EPCAM: variants seen among roughly 807,000 people sequenced by gnomAD.
EPCAM encodes epithelial cell adhesion molecule, also known as adenocarcinoma-associated antigen.
Under a neutral mutation model 40.0 loss-of-function variants are expected in EPCAM, and 39 were observed. The observed-to-expected ratio is 0.98, with a 90% CI of 0.76 to 1.27. The LOEUF is 1.27. Among genes scored for constraint, EPCAM ranks in the 50% most tolerant of loss-of-function variants. The pLI is 0.00. For synonymous variants in EPCAM, 168 were observed against 132.3 expected (o/e 1.27, Z -1.85); for missense variants, 503 against 381.2 (o/e 1.32, Z -2.66).
At chr2:47,380,116 G>A (rs1671550107) in intron 7 of EPCAM, 147 bp downstream of exon 7, 3 of 1,344,340 alleles carry the variant, frequency 2.2e-6, no homozygotes, top group Non-Finnish European at 3.1e-6. Context: ...AGGAGTTTGA[G>A]ACCACACTGG....
rs2103746925 is a variant in EPCAM at position 47,373,810 on chromosome 2, G to A, written c.187G>A (p.Ala63Thr). The A allele has an allele frequency of 6.2e-7, 1 of 1,614,018 alleles. No individual in the cohort carries two copies. The highest frequency in any genetic ancestry group is 8.5e-7 in the Non-Finnish European group (1 of 1,180,002). ...TGGCATTAAGGTTTCTTTTTCAGTGGCTGCCAAATGTTTGGTGATGAAGGC... is the reference window on the plus strand; with the variant it reads ...TGGCATTAAGGTTTCTTTTTCAGTGACTGCCAAATGTTTGGTGATGAAGGC... ...AQNTVICSKL[A>T]AKCLVMKAEM... Residue 63 changes from alanine to threonine, a missense_variant and splice_region_variant, in exon 3 of 9, where the codon GCT becomes ACT. Physicochemically the swap from Ala to Thr is moderately conservative, Grantham distance 58. Transcript: ENST00000263735.
In EPCAM at chr2:47,373,516, C is replaced by A. The variant is rs1008677622; in HGVS notation, c.130C>A (p.Arg44Ser). ...LAVNCFVNNN[R>S]QCQCTSVGAQ... ...CGTAAACTGCTTTGTGAATAATAAT[C>A]GTCAATGCCAGTGTACTTCAGTTGG... is the stretch of plus-strand genomic sequence containing the variant. Residue 44 changes from arginine (R) to serine (S), a missense_variant, in exon 2 of 9, where the codon CGT (arginine) becomes AGT (serine). Coordinates refer to ENST00000263735, the MANE Select transcript of EPCAM (RefSeq NM_002354.3). 6.2e-7 allele frequency: 1 copy of A among 1,613,720 alleles called. No homozygotes were observed. Among genetic ancestry groups the A allele is most frequent in the Non-Finnish European group, 8.5e-7 (1 of 1,179,806 alleles).
intron 1 of EPCAM, among the ~76,000 whole-genome samples, chr2:47,371,893 T>C (rs1168423439): frequency 6.6e-6 from 1 of 152,216 alleles, no homozygotes; most frequent in East Asian, 1.9e-4. Flanking sequence ...ATACGAAGGA[T>C]CAATATAAAA....
chr2:47,372,329 A>G (rs1457053358), intron 1 of EPCAM, among the ~76,000 whole-genome samples: 2 of 151,452 alleles, frequency 1.3e-5, no homozygotes, highest in East Asian at 1.9e-4. Context: ...GGAATAGTTG[A>G]TTTTTTTTTG....
intron 7 of EPCAM, among the ~76,000 whole-genome samples, chr2:47,381,201 A>T (rs183775429): frequency 1.3e-5 from 2 of 151,008 alleles, no homozygotes; most frequent in East Asian, 3.9e-4. Flanking sequence ...GTTCGAGACC[A>T]GCCTGACCAA....
At chr2:47,377,606 C>T (rs1430657654) in intron 5 of EPCAM, 4 of 264,726 alleles carry the variant, frequency 1.5e-5, no homozygotes, top group Non-Finnish European at 2.3e-5. Context: ...CTAAAGAAAA[C>T]GTAGTATCTC....
rs372302535 is a variant in EPCAM at position 47,375,226 on chromosome 2, C to T, written c.426-8C>T. The T allele has an allele frequency of 6.3e-7, 1 of 1,594,644 alleles. No individual in the cohort carries two copies. The highest frequency in any genetic ancestry group is 1.3e-5 in the African/African-American group (1 of 74,620). On this transcript the variant is annotated splice_region_variant and splice_polypyrimidine_tract_variant and intron_variant, in intron 3 of 8. Coordinates refer to ENST00000263735, the MANE Select transcript of EPCAM (RefSeq NM_002354.3). ...ATAGTCAACTGACATTGTCTTTTTA[C>T]TTTATAGCTGGATCATCATTGAACT...
chr2:47,379,717 C>T lies in EPCAM; in HGVS notation c.658-52C>T, dbSNP rs552390311. 7.2e-5 allele frequency: 115 copies of T among 1,596,936 alleles called. No individual in the cohort carries two copies. The African/African-American group carries it at 1.4e-3, about 19-fold the overall frequency. ...CAATTTGTATGTAATTATATGTGGCCATGGTTGGTTTCCTTAAATATTTTT... is the reference window on the plus strand; with the variant it reads ...CAATTTGTATGTAATTATATGTGGCTATGGTTGGTTTCCTTAAATATTTTT... On this transcript the variant is annotated intron_variant, in intron 6 of 8. Coordinates refer to ENST00000263735, the MANE Select transcript of EPCAM (RefSeq NM_002354.3).
chr2:47,377,055 C>T lies in EPCAM; in HGVS notation c.533C>T (p.Pro178Leu), dbSNP rs772471530. The change falls in exon 5 of 9, where the codon CCA becomes CTA. Residue 178 changes from proline to leucine, a missense_variant. Coordinates refer to ENST00000263735, the MANE Select transcript of EPCAM (RefSeq NM_002354.3). ...ATCACAACGCGTTATCAACTGGATC[C>T]AAAATTTATCACGAGTATTTTGGTA... is the stretch of plus-strand genomic sequence containing the variant. ...KEITTRYQLD[P>L]KFITSILYEN... is the part of the protein sequence containing the mutation. 65 of 1,606,764 alleles carry T rather than the reference C, an allele frequency of 4.0e-5. No individual in the cohort carries two copies. The highest frequency in any genetic ancestry group is 5.4e-5 in the Non-Finnish European group (63 of 1,173,538).
chr2:47,385,047 A>T (rs1671704951), intron 7 of EPCAM, 119 bp from the exon 8 acceptor site: 2 of 796,026 alleles, frequency 2.5e-6, no homozygotes, highest in East Asian at 2.5e-5. Context: ...TTATGGATAG[A>T]TGTTAAAATT....
Position 47,373,894 on chromosome 2 carries a change from A to T in EPCAM, c.271A>T (p.Asn91Tyr). 1 of 1,614,184 alleles carries T rather than the reference A, an allele frequency of 6.2e-7. No individual in the cohort carries two copies. Among genetic ancestry groups the T allele is most frequent in the African/African-American group, 1.3e-5 (1 of 75,056 alleles). ...AAAACCTGAAGGGGCCCTCCAGAAC[A>T]ATGATGGGCTTTATGATCCTGACTG... The part of the protein sequence containing the change: ...RAKPEGALQN[N>Y]DGLYDPDCDE... Residue 91 changes from asparagine to tyrosine, a missense_variant, in exon 3 of 9, where the codon AAT (asparagine) becomes TAT (tyrosine). By Grantham distance (143) the Asn-to-Tyr change is moderately radical (BLOSUM62 -2). Transcript: ENST00000263735.
chr2:47,376,371 C>T (rs1483461045), intron 4 of EPCAM, among the ~76,000 whole-genome samples: 2 of 151,838 alleles, frequency 1.3e-5, no homozygotes, highest in Non-Finnish European at 2.9e-5. Context: ...ATTCTCCTGC[C>T]TCAGCCTCCT....
chr2:47,375,707 ATT>A (rs35742854), intron 4 of EPCAM, among the ~76,000 whole-genome samples: 7 of 143,544 alleles, frequency 4.9e-5, no homozygotes, highest in Non-Finnish European at 6.1e-5. Flanking sequence ...TTTAGGAAAA[ATT>A]TTTTTTTTTT....
chr2:47,377,556 T>C (rs539514738), intron 5 of EPCAM: 23 of 246,138 alleles, frequency 9.3e-5, no homozygotes, highest in African/African-American at 4.7e-4. Flanking sequence ...TGGTTATCGT[T>C]GTTTTCCTTC....
At chr2:47,371,034 G>T (rs1671248423) in intron 1 of EPCAM, among the ~76,000 whole-genome samples, 1 of 152,168 alleles carries the variant, frequency 6.6e-6, no homozygotes, top group South Asian at 2.1e-4. Flanking sequence ...TTGTAGAGAC[G>T]ACATCTCACT....
chr2:47,384,149 T>C (rs541099341), intron 7 of EPCAM, among the ~76,000 whole-genome samples: 1 of 152,230 alleles, frequency 6.6e-6, no homozygotes, highest in African/African-American at 2.4e-5. Context: ...TTGCCCAGGC[T>C]GGAGTGCAAT....
At chr2:47,382,227 A>T (rs1440356323) in intron 7 of EPCAM, among the ~76,000 whole-genome samples, 1 of 152,350 alleles carries the variant, frequency 6.6e-6, no homozygotes, top group East Asian at 1.9e-4. Flanking sequence ...TGATGAGGAA[A>T]CCTAAAGAAA....
chr2:47,383,052 A>C, intron 7 of EPCAM: 1 of 151,758 alleles, frequency 6.6e-6, no homozygotes. Context: ...CACTGCTGTA[A>C]TCCCAGCACT....
intron 1 of EPCAM, among the ~76,000 whole-genome samples, chr2:47,370,992 C>T (rs565687201): frequency 6.6e-6 from 1 of 152,006 alleles, no homozygotes; most frequent in Admixed American, 6.6e-5. Flanking sequence ...GGATTACAGA[C>T]GTCAGCCACA....
Sources: gnomAD v4.1 joint callset for allele counts (sites outside exome capture counted in the v4.1 genomes callset) on GRCh38, gnomAD v4.1.1 for gene constraint, MANE v1.5 for transcripts, NCBI Gene and HGNC (gene_info 2026-07-23, HGNC 2026-07-21) for gene names.